TRAF7: variants seen among roughly 807,000 people sequenced by gnomAD.
TRAF7 encodes the protein TNF receptor associated factor 7, also known as E3 ubiquitin-protein ligase TRAF7.
Under a neutral mutation model 89.3 loss-of-function variants are expected in TRAF7, and 45 were observed. The observed-to-expected ratio is 0.50, with a 90% CI of 0.40 to 0.65. TRAF7 has a LOEUF of 0.65. Among genes scored for constraint, TRAF7 ranks in the 30% least tolerant of loss-of-function variants. The pLI is 0.00. For synonymous variants in TRAF7, 406 were observed against 369.2 expected (o/e 1.10, Z -1.14); for missense variants, 677 against 918.1 (o/e 0.74, Z 3.39).
In TRAF7 at chr16:2,168,020, C is replaced by T; in HGVS notation, c.140-57C>T. ...GTCGGGTATCCAGCATGGGCCCCAC[C>T]TCCCCCACATCTGCTGAGGGAGCCC... On this transcript the variant is annotated intron_variant, in intron 3 of 20. Coordinates refer to ENST00000326181, the MANE Select transcript of TRAF7 (RefSeq NM_032271.3). This position sits in a 1 kb window ranked among gnomAD's most constrained non-coding sequence, Gnocchi z 4.1. The T allele has an allele frequency of 6.5e-7, 1 of 1,542,778 alleles. No homozygotes were observed. Among genetic ancestry groups the T allele is most frequent in the Non-Finnish European group, 8.9e-7 (1 of 1,126,598 alleles).
rs2093115346 is a variant in TRAF7 at position 2,172,322 on chromosome 16, T to G, written c.607T>G (p.Phe203Val). 3 of 1,612,544 alleles carry G rather than the reference T, an allele frequency of 1.9e-6. No individual in the cohort carries two copies. In the East Asian group the frequency reaches 6.7e-5, roughly 36 times the overall value. Residue 203 changes from phenylalanine to valine, a missense_variant, in exon 8 of 21, where the codon TTT becomes GTT. This residue lies in a region of TRAF7 where 238 missense variants were observed against 352.6 expected (regional missense o/e 0.67). Transcript: ENST00000326181. ...AGCGGGCAGCGGGAAGCCCCCCATCTTTGAGGTGGACCCCCGAGGGTGCCC... is the reference window on the plus strand; with the variant it reads ...AGCGGGCAGCGGGAAGCCCCCCATCGTTGAGGTGGACCCCCGAGGGTGCCC... ...RVAGSGKPPI[F>V]EVDPRGCPFT...
At chr16:2,166,925 C>G (rs2093088637) in intron 3 of TRAF7, among the ~76,000 whole-genome samples, 1 of 152,216 alleles carries the variant, frequency 6.6e-6, no homozygotes, top group African/African-American at 2.4e-5. Context: ...TTTGTTCTCT[C>G]TCCTTTCTGG....
At position 2,159,983 on chromosome 16, in the gene TRAF7, C is replaced by T. The variant is rs1044706488; in HGVS notation, c.-38-3900C>T. Among the ~76,000 whole-genome samples the T allele has an allele frequency of 5.3e-5, 8 of 152,252 alleles. No homozygotes were observed. The highest frequency in any genetic ancestry group is 1.7e-4 in the African/African-American group (7 of 41,468). On this transcript the variant is annotated intron_variant, in intron 1 of 20. Coordinates refer to ENST00000326181, the MANE Select transcript of TRAF7 (RefSeq NM_032271.3). The surrounding 1 kb of genome is among the most constrained non-coding windows in gnomAD (Gnocchi z 6.5). ...GGGGTGGGTGTCCGCATCCCACATG[C>T]CCCCAGGGCGATGCCCCAGCAGAGC...
Position 2,176,683 on chromosome 16 carries a change from G to T in TRAF7, c.*109G>T. The stretch of plus-strand genomic sequence containing the variant: ...GTTTCTGCCTGCCCCGTGGGCATAG[G>T]TGGACAGGCTCTGGCAGCCGGGCAG... On this transcript the variant is annotated 3_prime_UTR_variant, in exon 21 of 21. Coordinates refer to ENST00000326181, the MANE Select transcript of TRAF7 (RefSeq NM_032271.3). 1 of 1,541,244 alleles carries T rather than the reference G, an allele frequency of 6.5e-7. No individual in the cohort carries two copies. Among genetic ancestry groups the T allele is most frequent in the Non-Finnish European group, 8.9e-7 (1 of 1,122,198 alleles).
chr16:2,176,408 T>TTTG (rs1397896620), intron 20 of TRAF7, 24 bp downstream of exon 20: 5 of 1,611,198 alleles, frequency 3.1e-6, no homozygotes, highest in Non-Finnish European at 4.2e-6. Flanking sequence ...GCTCAGGCCA[T>TTTG]TCAAAGGGGC....
Position 2,177,776 on chromosome 16 carries a change from C to T in TRAF7, c.*1202C>T, listed in dbSNP as rs901338127. ...GGACGCAGCCACGCCAGGAGGAGGA[C>T]ACGGCCGCCGAGAGCAAGGCACAAC... is the stretch of plus-strand genomic sequence containing the variant. On this transcript the variant is annotated 3_prime_UTR_variant, in exon 21 of 21. Coordinates refer to ENST00000326181, the MANE Select transcript of TRAF7 (RefSeq NM_032271.3). 4.1e-6 allele frequency: 1 copy of T among 244,572 alleles called. No homozygotes were observed. Among genetic ancestry groups the T allele is most frequent in the African/African-American group, 2.2e-5 (1 of 45,062 alleles). The allele number at this position is 244,572 out of a possible 1,614,324, so 15.2% of individuals were successfully genotyped here.
chr16:2,173,714 C>G, intron 11 of TRAF7, 74 bp from the exon 12 acceptor site: 1 of 1,595,466 alleles, frequency 6.3e-7, no homozygotes, highest in Non-Finnish European at 8.5e-7. Context: ...CCCAGGGCAG[C>G]AGGGGCAGAG....
chr16:2,173,995 G>A lies in TRAF7; in HGVS notation c.1210G>A (p.Val404Ile), dbSNP rs200505184. The A allele has an allele frequency of 6.9e-5, 111 of 1,613,750 alleles. No individual in the cohort carries two copies. Among genetic ancestry groups the A allele is most frequent in the Admixed American group, 8.3e-5 (5 of 60,020 alleles). ...GHQGPVWCLC[V>I]YSMGDLLFSG... ...CCAGGGCCCTGTGTGGTGTCTCTGC[G>A]TCTACTCCATGGGTGACCTGCTCTT... The change falls in exon 13 of 21, where the codon GTC (valine) becomes ATC (isoleucine). Residue 404 changes from valine to isoleucine, a missense_variant. Coordinates refer to ENST00000326181, the MANE Select transcript of TRAF7 (RefSeq NM_032271.3).
chr16:2,174,157 C>T, intron 13 of TRAF7, 94 bp from the exon 14 acceptor site: 1 of 1,594,618 alleles, frequency 6.3e-7, no homozygotes, highest in Non-Finnish European at 8.6e-7. Flanking sequence ...AGGGCCCTCT[C>T]CCATGGGCGG....
At chr16:2,174,078 G>C in intron 13 of TRAF7, 30 bp downstream of exon 13, 1 of 1,610,552 alleles carries the variant, frequency 6.2e-7, no homozygotes, top group South Asian at 1.1e-5. Context: ...AGTCTCTGCA[G>C]CCTGGCTGGG....
intron 1 of TRAF7, among the ~76,000 whole-genome samples, chr16:2,156,716 A>G (rs1161987619): frequency 3.6e-5 from 3 of 83,798 alleles, no homozygotes. Context: ...GACCAGGCTC[A>G]CAGGGTGCAT....
At chr16:2,171,181 G>A in intron 5 of TRAF7, 83 bp from the exon 6 acceptor site, 1 of 1,172,364 alleles carries the variant, frequency 8.5e-7, no homozygotes. Flanking sequence ...GCCAGGCCTG[G>A]AGCAAGAGCG....
At position 2,168,484 on chromosome 16, in the gene TRAF7, T is replaced by C. The variant is rs913745982; in HGVS notation, c.231+316T>C. On this transcript the variant is annotated intron_variant, in intron 4 of 20. Transcript: ENST00000326181. The surrounding 1 kb of genome is among the most constrained non-coding windows in gnomAD (Gnocchi z 4.1). Reference sequence around the variant, plus strand: ...ACCACAGAAAGTTCAGTCAGGAGGATAGCACAATAAAATACATGCTTTGAA... The same window carrying C: ...ACCACAGAAAGTTCAGTCAGGAGGACAGCACAATAAAATACATGCTTTGAA... 12 of 320,054 alleles carry C rather than the reference T, an allele frequency of 3.7e-5. No homozygotes were observed. The highest frequency in any genetic ancestry group is 6.5e-5 in the Non-Finnish European group (11 of 169,622). The allele number at this position is 320,054 out of a possible 1,614,324, so 19.8% of individuals were successfully genotyped here.
At chr16:2,160,610 G>A (rs2141265938) in intron 1 of TRAF7, among the ~76,000 whole-genome samples, 1 of 150,674 alleles carries the variant, frequency 6.6e-6, no homozygotes, top group South Asian at 2.1e-4. Flanking sequence ...ACATGGAAGG[G>A]AGGGGTAGGG....
Position 2,172,213 on chromosome 16 carries a change from C to T in TRAF7, c.498C>T (p.Val166=), listed in dbSNP as rs2093114798. The change falls in exon 8 of 21, where the codon GTC becomes GTT. Residue 166 remains valine, a synonymous_variant. Coordinates refer to ENST00000326181, the MANE Select transcript of TRAF7 (RefSeq NM_032271.3). ...CAGAGAAGTGTCCCGTGGACAACGT[C>T]AAACTGACCGTGGTGGTGAACAACA... ...LKSEKCPVDN[V]KLTVVVNNIA... is the part of the protein sequence containing the mutation. 3 of 1,613,100 alleles carry T rather than the reference C, an allele frequency of 1.9e-6. No homozygotes were observed. Among genetic ancestry groups the T allele is most frequent in the Non-Finnish European group, 2.5e-6 (3 of 1,179,986 alleles).
At position 2,159,653 on chromosome 16, in the gene TRAF7, C is replaced by T. The variant is rs549239880; in HGVS notation, c.-39+3795C>T. Among the ~76,000 whole-genome samples the T allele has an allele frequency of 8.5e-5, 13 of 152,296 alleles. No homozygotes were observed. The highest frequency in any genetic ancestry group is 4.6e-4 in the Admixed American group (7 of 15,310). The stretch of plus-strand genomic sequence containing the variant: ...GAGCTCTGGCCGCAGTCCAGCCAGC[C>T]GGCCACACACAGCCCTGTGGCAGGC... On this transcript the variant is annotated intron_variant, in intron 1 of 20. Coordinates refer to ENST00000326181, the MANE Select transcript of TRAF7 (RefSeq NM_032271.3). The surrounding 1 kb of genome is among the most constrained non-coding windows in gnomAD (Gnocchi z 6.5).
chr16:2,164,626 G>A (rs1326126804), intron 2 of TRAF7, among the ~76,000 whole-genome samples: 5 of 137,934 alleles, frequency 3.6e-5, no homozygotes, highest in South Asian at 4.7e-4. Context: ...TGTTAGTGCT[G>A]CGTGGCGCGG....
At position 2,158,765 on chromosome 16, in the gene TRAF7, C is replaced by CG. The variant is rs2093046091; in HGVS notation, c.-39+2909dup. ...AGCGTGGGACTGGGAAGCGTGGGCTCGGCGGGGGGGGGGGGGACACTGCCA... is the reference window on the plus strand; with the variant it reads ...AGCGTGGGACTGGGAAGCGTGGGCTCGGGCGGGGGGGGGGGGGACACTGCCA... On this transcript the variant is annotated intron_variant, in intron 1 of 20. Transcript: ENST00000326181. This position sits in a 1 kb window ranked among gnomAD's most constrained non-coding sequence, Gnocchi z 4.7. Among the ~76,000 whole-genome samples, 1 of 32,600 alleles carries CG rather than the reference C, an allele frequency of 3.1e-5. No homozygotes were observed. Among genetic ancestry groups the CG allele is most frequent in the African/African-American group, 9.5e-5 (1 of 10,534 alleles). 21.4% of individuals were successfully genotyped at this position (32,600 alleles called of 152,430 possible).
rs998565467 is a variant in TRAF7, at chr16:2,165,775, C to T, written c.82-104C>T. 56 of 1,327,034 alleles carry T rather than the reference C, an allele frequency of 4.2e-5. No homozygotes were observed. In the African/African-American group the frequency reaches 5.1e-4, roughly 12 times the overall value. The allele number at this position is 1,327,034 out of a possible 1,614,324, so 82.2% of individuals were successfully genotyped here. On this transcript the variant is annotated intron_variant, in intron 2 of 20. Coordinates refer to ENST00000326181, the MANE Select transcript of TRAF7 (RefSeq NM_032271.3). ...CGCATGGTTAAGTGTGTGAGTGCTG[C>T]GTGGCCTGGCCTGGTCGCGTGTTAG... is the stretch of plus-strand genomic sequence containing the variant.
Sources: allele counts gnomAD v4.1 joint callset (sites outside exome capture counted in the v4.1 genomes callset), GRCh38; gene constraint gnomAD v4.1.1; regional missense constraint gnomAD v4.1.1; non-coding constraint Gnocchi (gnomAD v3.1); transcripts MANE v1.5; gene names NCBI Gene and HGNC (gene_info 2026-07-23, HGNC 2026-07-21).